The following OLFM3 variants were observed in gnomAD, a reference collection of about 807,000 sequenced individuals.
The protein encoded by OLFM3 is olfactomedin 3, also known as noelin-3.
In OLFM3, 20 loss-of-function variants were observed where a neutral mutation model predicts 48.6. The observed-to-expected ratio is 0.41, with a 90% CI of 0.29 to 0.60. The LOEUF is 0.60. OLFM3 is among the 20% of genes least tolerant of loss of function. The pLI is 0.28. For synonymous variants in OLFM3, 222 were observed against 198.1 expected, an observed-to-expected ratio of 1.12 and a Z score of -1.01; for missense variants, 437 against 544.3, an observed-to-expected ratio of 0.80 and a Z score of 1.96.
At chr1:101,967,455 C>T (rs962024601) in intron 1 of OLFM3, among the ~76,000 whole-genome samples, 5 of 151,656 alleles carry the variant, frequency 3.3e-5, no homozygotes, top group African/African-American at 9.7e-5. Context: ...TGATTTTTCC[C>T]TTATGTAACA....
At position 101,830,719 on chromosome 1, in the gene OLFM3, G is replaced by A. The variant is rs189154354; in HGVS notation, c.325C>T (p.Arg109Trp). ...TQMKGLKAKFRQIEDDRKTLM... is the reference protein window; with the variant it reads ...TQMKGLKAKFWQIEDDRKTLM... ...GTCTTTCGATCATCTTCAATCTGCC[G>A]AAATTTTGCCTTCAGCCCTTTCATT... is the stretch of plus-strand genomic sequence containing the variant. Residue 109 changes from arginine (R) to tryptophan (W), a missense_variant, in exon 3 of 6, where the codon CGG becomes TGG. Physicochemically the swap from Arg to Trp is moderately radical, Grantham distance 101. This residue lies in a region of OLFM3 where 314 missense variants were observed against 365.5 expected (regional missense o/e 0.86). Coordinates refer to ENST00000370103, the MANE Select transcript of OLFM3 (RefSeq NM_058170.4). 2.5e-5 allele frequency: 40 copies of A among 1,614,120 alleles called. No homozygotes were observed. In the Admixed American group the frequency reaches 2.8e-4, roughly 11 times the overall value.
At chr1:101,919,149 T>C (rs931760793) in intron 1 of OLFM3, among the ~76,000 whole-genome samples, 8 of 152,178 alleles carry the variant, frequency 5.3e-5, no homozygotes, top group African/African-American at 1.9e-4. Flanking sequence ...CAGAAATTTC[T>C]TGCGCTGACT....
chr1:101,996,025 C>T (rs920257948), intron 1 of OLFM3, among the ~76,000 whole-genome samples: 1 of 152,104 alleles, frequency 6.6e-6, no homozygotes, highest in Non-Finnish European at 1.5e-5. Flanking sequence ...ACTTTCATTG[C>T]CAGTACTAGA....
intron 1 of OLFM3, among the ~76,000 whole-genome samples, chr1:101,951,011 T>C (rs1305481949): frequency 6.6e-6 from 1 of 152,194 alleles, no homozygotes. Flanking sequence ...ACATGGTCTA[T>C]TTAAGGTTAA....
chr1:101,838,633 T>C (rs148950973), intron 1 of OLFM3, among the ~76,000 whole-genome samples: 33 of 152,306 alleles, frequency 2.2e-4, no homozygotes, highest in African/African-American at 7.7e-4. Context: ...TAAAAAGTTC[T>C]TTTCATTATA....
At chr1:101,979,698 C>G (rs1483710725) in intron 1 of OLFM3, among the ~76,000 whole-genome samples, 1 of 152,112 alleles carries the variant, frequency 6.6e-6, no homozygotes, top group Non-Finnish European at 1.5e-5. Context: ...TAGGGCGGTA[C>G]AGAAGGGAAA....
chr1:101,920,881 C>T (rs1268889835), intron 1 of OLFM3, among the ~76,000 whole-genome samples: 1 of 152,206 alleles, frequency 6.6e-6, no homozygotes, highest in Admixed American at 6.5e-5. Flanking sequence ...TTGACTTTCT[C>T]AAACATCTGA....
In OLFM3 at chr1:101,803,462, A is replaced by G. The variant is rs1199158074; in HGVS notation, c.*776T>C. On this transcript the variant is annotated 3_prime_UTR_variant, in exon 6 of 6. Coordinates refer to ENST00000370103, the MANE Select transcript of OLFM3 (RefSeq NM_058170.4). ...TGGCCCAAAAAACTTGGGGTAAAAT[A>G]AAGACTCTATGTCAGGTGTCTGGTT... 3 of 152,262 alleles carry G rather than the reference A, an allele frequency of 2.0e-5. No homozygotes were observed. The highest frequency in any genetic ancestry group is 3.0e-5 in the Non-Finnish European group (2 of 67,786). The allele number at this position is 152,262 out of a possible 1,614,324, so 9.4% of individuals were successfully genotyped here. A position where few individuals can be genotyped will look rare whatever the true frequency, so the allele number is the denominator to read the frequency against.
chr1:101,895,237 T>C (rs560567520), intron 1 of OLFM3, among the ~76,000 whole-genome samples: 3 of 152,246 alleles, frequency 2.0e-5, no homozygotes, highest in East Asian at 3.9e-4. Context: ...TATTTGCTTA[T>C]TTATTTACAA....
Position 101,883,820 on chromosome 1 carries a change from C to T in OLFM3, c.70-46795G>A, listed in dbSNP as rs191621109. On this transcript the variant is annotated intron_variant, in intron 1 of 5. Transcript: ENST00000370103. The stretch of plus-strand genomic sequence containing the variant: ...GGTTACATGTGTAAAAGACAAACAG[C>T]TTCAGAGTTAAATACATCCATGACA... Among the ~76,000 whole-genome samples, 179 of 151,946 alleles carry T rather than the reference C, an allele frequency of 1.2e-3. 1 individual carries two copies. Among genetic ancestry groups the T allele is most frequent in the African/African-American group, 4.0e-3 (166 of 41,480 alleles).
chr1:101,840,806 C>A (rs2100931482), intron 1 of OLFM3, among the ~76,000 whole-genome samples: 1 of 152,248 alleles, frequency 6.6e-6, no homozygotes, highest in South Asian at 2.1e-4. Context: ...TGATTATAAC[C>A]TTGGTAGCAT....
At position 101,804,486 on chromosome 1, in the gene OLFM3, A is replaced by C. The variant is rs1325812550; in HGVS notation, c.1129T>G (p.Ser377Ala). The C allele has an allele frequency of 4.3e-6, 7 of 1,612,672 alleles. No homozygotes were observed. The South Asian group carries it at 6.6e-5, about 15-fold the overall frequency. Residue 377 changes from serine to alanine, a missense_variant, in exon 6 of 6, where the codon TCT (serine) becomes GCT (alanine). Around this residue, in one of 3 missense-constraint regions of OLFM3, gnomAD observed 108 missense variants for 135.8 expected, o/e 0.80. Transcript: ENST00000370103. The surrounding 1 kb of genome is among the most constrained non-coding windows in gnomAD (Gnocchi z 4.5). ...TGYPKRSAGE[S>A]FMICGTLYVT... Reference sequence around the variant, plus strand: ...TACAGTGTCCCACAGATCATGAAAGATTCCCCTGCACTTCTCTTGGGGTAG... The same window carrying C: ...TACAGTGTCCCACAGATCATGAAAGCTTCCCCTGCACTTCTCTTGGGGTAG...
At chr1:101,912,991 C>T (rs1658808947) in intron 1 of OLFM3, among the ~76,000 whole-genome samples, 1 of 151,978 alleles carries the variant, frequency 6.6e-6, no homozygotes, top group Non-Finnish European at 1.5e-5. Flanking sequence ...TAAGGTTTGT[C>T]CTACTAGTAA....
chr1:101,966,350 T>TGTGC (rs542204512), intron 1 of OLFM3, among the ~76,000 whole-genome samples: 135 of 99,908 alleles, frequency 1.4e-3, no homozygotes, highest in African/African-American at 3.9e-3. Flanking sequence ...TGTGTGTGTG[T>TGTGC]GCGCTACAGA....
chr1:101,891,279 G>A (rs1232432252), intron 1 of OLFM3, among the ~76,000 whole-genome samples: 2 of 151,902 alleles, frequency 1.3e-5, no homozygotes, highest in Non-Finnish European at 2.9e-5. Context: ...CTTGGGTTAA[G>A]CATAGCAATT....
At chr1:101,828,050 G>GTC (rs755584838) in intron 3 of OLFM3, among the ~76,000 whole-genome samples, 35 of 134,986 alleles carry the variant, frequency 2.6e-4, no homozygotes, top group South Asian at 9.4e-4. Context: ...CTGTCTGTCT[G>GTC]TCTCTCTCTC....
intron 1 of OLFM3, among the ~76,000 whole-genome samples, chr1:101,853,026 C>T (rs1359722027): frequency 2.0e-5 from 3 of 152,088 alleles, no homozygotes; most frequent in Non-Finnish European, 1.5e-5. Context: ...TTTGTTACTG[C>T]TGCACACCAA....
intron 1 of OLFM3, among the ~76,000 whole-genome samples, chr1:101,973,304 T>G (rs1330296309): frequency 2.0e-5 from 3 of 152,140 alleles, no homozygotes; most frequent in African/African-American, 7.2e-5. Context: ...AACCAGGAGA[T>G]TCCATGTCCA....
At chr1:101,813,160 T>C in intron 4 of OLFM3, 1 of 1,220,150 alleles carries the variant, frequency 8.2e-7, no homozygotes, top group Non-Finnish European at 1.1e-6. Flanking sequence ...GAAAGGAAAT[T>C]TAAAGAAAGA....
Sources: allele counts gnomAD v4.1 joint callset (sites outside exome capture counted in the v4.1 genomes callset), GRCh38; gene constraint gnomAD v4.1.1; regional missense constraint gnomAD v4.1.1; non-coding constraint Gnocchi (gnomAD v3.1); transcripts MANE v1.5; gene names NCBI Gene and HGNC (gene_info 2026-07-23, HGNC 2026-07-21).